NCAM1: variants seen among roughly 807,000 people sequenced by gnomAD.
The protein encoded by NCAM1 is antigen recognized by monoclonal antibody 5.1H11.
NCAM1 carries 14 observed loss-of-function variants against 109.8 expected under a neutral mutation model. The ratio of observed to expected loss-of-function variants is 0.13; its 90% CI spans 0.08 to 0.20. The LOEUF is 0.20. Ranked by LOEUF, NCAM1 falls within the 10% of genes least tolerant of loss-of-function variation. The pLI, the probability that NCAM1 is intolerant of heterozygous loss-of-function variation, is 1.00. For missense variants in NCAM1, 774 were observed against 1,109.9 expected (o/e 0.70, Z 4.30); for synonymous variants, 418 against 442.9 (o/e 0.94, Z 0.70).
At chr11:113,047,024 AG>A (rs1355736183) in intron 1 of NCAM1, among the ~76,000 whole-genome samples, 2 of 152,230 alleles carry the variant, frequency 1.3e-5, no homozygotes, top group African/African-American at 2.4e-5. Context: ...TGTATGTGTT[AG>A]GCTTTCATGT....
At chr11:113,241,571 C>G (rs922771085) in intron 14 of NCAM1, among the ~76,000 whole-genome samples, 1 of 152,198 alleles carries the variant, frequency 6.6e-6, no homozygotes, top group Non-Finnish European at 1.5e-5. Context: ...GTCAGCTGGT[C>G]GCTCTCAGAT....
At chr11:113,156,913 G>A (rs552070219) in intron 1 of NCAM1, among the ~76,000 whole-genome samples, 1 of 152,218 alleles carries the variant, frequency 6.6e-6, no homozygotes, top group South Asian at 2.1e-4. Flanking sequence ...TGGAGTAGAT[G>A]CTTTAGGGAA....
intron 1 of NCAM1, among the ~76,000 whole-genome samples, chr11:113,026,016 A>T (rs543549087): frequency 6.6e-6 from 1 of 152,328 alleles, no homozygotes; most frequent in South Asian, 2.1e-4. Flanking sequence ...GCAAATATTT[A>T]TGGAGAGCCT....
rs1945059727 is a variant in NCAM1 at position 113,233,128 on chromosome 11, A to G, written c.1523-19A>G. On this transcript the variant is annotated intron_variant, in intron 12 of 19. Coordinates refer to ENST00000316851, the MANE Select transcript of NCAM1 (RefSeq NM_181351.5). This position sits in a 1 kb window ranked among gnomAD's most constrained non-coding sequence, Gnocchi z 4.5. ...CCAAACTGGGCTCACCTGAGTCTCCATATGTGTCTTCCCCACAGACACCCC... is the reference window on the plus strand; with the variant it reads ...CCAAACTGGGCTCACCTGAGTCTCCGTATGTGTCTTCCCCACAGACACCCC... 7 of 1,608,730 alleles carry G rather than the reference A, an allele frequency of 4.4e-6. No individual in the cohort carries two copies. Among genetic ancestry groups the G allele is most frequent in the Non-Finnish European group, 5.9e-6 (7 of 1,178,192 alleles).
chr11:113,267,046 A>G (rs939355353), intron 17 of NCAM1, among the ~76,000 whole-genome samples: 2 of 152,288 alleles, frequency 1.3e-5, no homozygotes, highest in Non-Finnish European at 1.5e-5. Context: ...AGCCCACACT[A>G]TGTTGGATTC....
chr11:113,155,291 G>A (rs1555103259), intron 1 of NCAM1, among the ~76,000 whole-genome samples: 1 of 152,108 alleles, frequency 6.6e-6, no homozygotes, highest in Non-Finnish European at 1.5e-5. Context: ...GCCGAGGCGG[G>A]TGGATCACTT....
chr11:113,069,909 T>C (rs1229315897), intron 1 of NCAM1, among the ~76,000 whole-genome samples: 1 of 152,198 alleles, frequency 6.6e-6, no homozygotes, highest in Non-Finnish European at 1.5e-5. Flanking sequence ...AAGCAGTTTG[T>C]TCCTGAAGGA....
chr11:113,157,649 T>C (rs1555103693), intron 1 of NCAM1, among the ~76,000 whole-genome samples: 4 of 152,136 alleles, frequency 2.6e-5, no homozygotes, highest in African/African-American at 7.2e-5. Context: ...ATTATAATTA[T>C]GGAAAAACTG....
chr11:113,016,766 A>T (rs1210755036), intron 1 of NCAM1, among the ~76,000 whole-genome samples: 3 of 152,206 alleles, frequency 2.0e-5, no homozygotes, highest in African/African-American at 4.8e-5. Flanking sequence ...GAGGGTGTGT[A>T]GAGGTGTGCT....
chr11:112,988,859 T>C, intron 1 of NCAM1, among the ~76,000 whole-genome samples: 1 of 151,478 alleles, frequency 6.6e-6, no homozygotes, highest in East Asian at 1.9e-4. Flanking sequence ...GTGATTCTCA[T>C]CCCTCAGCCA....
At chr11:113,176,903 T>C (rs1188727722) in intron 1 of NCAM1, among the ~76,000 whole-genome samples, 1 of 152,254 alleles carries the variant, frequency 6.6e-6, no homozygotes, top group Non-Finnish European at 1.5e-5. Flanking sequence ...CAACTTCTTA[T>C]GAGGACTGCA....
At chr11:113,145,089 CACTGATTCAAGCT>C (rs1346853419) in intron 1 of NCAM1, among the ~76,000 whole-genome samples, 2 of 152,200 alleles carry the variant, frequency 1.3e-5, no homozygotes, top group African/African-American at 4.8e-5. Context: ...ATTCATAATA[CACTGATTCAAGCT>C]ACTTGAACAT....
chr11:113,049,289 C>G (rs756591570), intron 1 of NCAM1, among the ~76,000 whole-genome samples: 1 of 152,130 alleles, frequency 6.6e-6, no homozygotes, highest in Non-Finnish European at 1.5e-5. Context: ...AACTCCCTGG[C>G]CTTCACTCCA....
At chr11:113,030,952 CACA>C (rs1349433660) in intron 1 of NCAM1, among the ~76,000 whole-genome samples, 2 of 152,164 alleles carry the variant, frequency 1.3e-5, no homozygotes, top group East Asian at 1.9e-4. Flanking sequence ...CTACAATCCT[CACA>C]ACAACTCTTA....
intron 1 of NCAM1, among the ~76,000 whole-genome samples, chr11:113,022,902 CA>C (rs1463317211): frequency 2.6e-5 from 4 of 151,998 alleles, no homozygotes; most frequent in Non-Finnish European, 5.9e-5. Flanking sequence ...GAGGAAGTGA[CA>C]AAAAGGATAA....
intron 1 of NCAM1, among the ~76,000 whole-genome samples, chr11:113,125,871 C>A (rs1436440228): frequency 6.6e-6 from 1 of 151,960 alleles, no homozygotes; most frequent in East Asian, 1.9e-4. Context: ...AATAATAAAA[C>A]CTGGCTGGGT....
chr11:113,183,691 A>T (rs1440747269), intron 1 of NCAM1, among the ~76,000 whole-genome samples: 1 of 152,226 alleles, frequency 6.6e-6, no homozygotes, highest in Non-Finnish European at 1.5e-5. Flanking sequence ...GCAGCAAATT[A>T]TTTAACCAGC....
intron 1 of NCAM1, among the ~76,000 whole-genome samples, chr11:113,012,668 G>A (rs1952100100): frequency 6.6e-6 from 1 of 152,164 alleles, no homozygotes; most frequent in Admixed American, 6.5e-5. Flanking sequence ...TCCAGTCTTT[G>A]CCTGTGTTGT....
At chr11:112,986,714 T>C (rs1274213720) in intron 1 of NCAM1, among the ~76,000 whole-genome samples, 1 of 152,044 alleles carries the variant, frequency 6.6e-6, no homozygotes, top group African/African-American at 2.4e-5. Flanking sequence ...TAGTCTCTTA[T>C]GATCCTTTGT....
Sources: allele counts gnomAD v4.1 joint callset (sites outside exome capture counted in the v4.1 genomes callset), GRCh38; gene constraint gnomAD v4.1.1; non-coding constraint Gnocchi (gnomAD v3.1); transcripts MANE v1.5; gene names NCBI Gene and HGNC (gene_info 2026-07-23, HGNC 2026-07-21).